The following PRKAB2 variants were observed in gnomAD, a reference collection of about 807,000 sequenced individuals.
PRKAB2 encodes 5'-AMP-activated protein kinase subunit beta-2.
PRKAB2 carries 18 observed loss-of-function variants against 29.8 expected under a neutral mutation model. That is an observed-to-expected ratio of 0.60 (90% CI 0.42 to 0.89). PRKAB2 has a LOEUF of 0.89. Among genes scored for constraint, PRKAB2 ranks in the 40% least tolerant of loss-of-function variants. PRKAB2 has a pLI of 0.00. For synonymous variants in PRKAB2, 136 were observed against 125.9 expected (o/e 1.08, Z -0.54); for missense variants, 270 against 344.3 (o/e 0.78, Z 1.71).
At chr1:147,162,233 T>A (rs2101618869) in intron 6 of PRKAB2, among the ~76,000 whole-genome samples, 1 of 152,306 alleles carries the variant, frequency 6.6e-6, no homozygotes, top group South Asian at 2.1e-4. Context: ...TTTATTAGGA[T>A]GAGGAGACAA....
chr1:147,164,695 G>A (rs1182063340), intron 5 of PRKAB2, among the ~76,000 whole-genome samples: 3 of 152,182 alleles, frequency 2.0e-5, no homozygotes, highest in Admixed American at 6.5e-5. Flanking sequence ...TTACATACAT[G>A]GATAGACAGT....
chr1:147,158,544 A>C lies in PRKAB2; in HGVS notation c.*1021T>G, dbSNP rs879958599. ...CTGAAATTCTCCAATGCGGTCTCTT[A>C]AGACCAATGAAAAGGCATTTTTTAA... On this transcript the variant is annotated 3_prime_UTR_variant, in exon 8 of 8. Coordinates refer to ENST00000254101, the MANE Select transcript of PRKAB2 (RefSeq NM_005399.5). 1.3e-5 allele frequency: 2 copies of C among 152,078 alleles called. 1 individual carries two copies. Among genetic ancestry groups the C allele is most frequent in the East Asian group, 3.9e-4 (2 of 5,184 alleles). 9.4% of individuals were successfully genotyped at this position (152,078 alleles called of 1,614,324 possible).
At chr1:147,168,048 C>A (rs1654339195) in intron 2 of PRKAB2, 115 bp from the exon 3 acceptor site, 2 of 1,075,076 alleles carry the variant, frequency 1.9e-6, no homozygotes, top group Non-Finnish European at 2.6e-6. Flanking sequence ...GATATAAACC[C>A]CAAAATTAGC....
Position 147,157,608 on chromosome 1 carries a change from A to G in PRKAB2, c.*1957T>C, listed in dbSNP as rs1378493846. 6.6e-6 allele frequency: 1 copy of G among 152,150 alleles called. No individual in the cohort carries two copies. Among genetic ancestry groups the G allele is most frequent in the African/African-American group, 2.4e-5 (1 of 41,428 alleles). 9.4% of individuals were successfully genotyped at this position (152,150 alleles called of 1,614,324 possible). Reference sequence around the variant, plus strand: ...ATACTGTTGACAAGAAATATAACAAACTTCATGTAATAACCAAGATTTTGA... The same window carrying G: ...ATACTGTTGACAAGAAATATAACAAGCTTCATGTAATAACCAAGATTTTGA... On this transcript the variant is annotated 3_prime_UTR_variant, in exon 8 of 8. Transcript: ENST00000254101.
intron 4 of PRKAB2, 55 bp from the exon 5 acceptor site, chr1:147,166,673 C>A: frequency 6.3e-7 from 1 of 1,596,842 alleles, no homozygotes; most frequent in Non-Finnish European, 8.5e-7. Context: ...CCATCTCTTC[C>A]ATCCAACCTT....
chr1:147,169,409 T>C (rs1425714549), intron 2 of PRKAB2, among the ~76,000 whole-genome samples: 1 of 152,216 alleles, frequency 6.6e-6, no homozygotes, highest in African/African-American at 2.4e-5. Context: ...CTTGACTAAC[T>C]GGCTGCGTTA....
Position 147,157,295 on chromosome 1 carries a change from C to A in PRKAB2, c.*2270G>T, listed in dbSNP as rs1456972691. 6.6e-6 allele frequency: 1 copy of A among 152,122 alleles called. No homozygotes were observed. 9.4% of individuals were successfully genotyped at this position (152,122 alleles called of 1,614,324 possible). On this transcript the variant is annotated 3_prime_UTR_variant, in exon 8 of 8. Coordinates refer to ENST00000254101, the MANE Select transcript of PRKAB2 (RefSeq NM_005399.5). ...AGGGACAGTGCTGAATGAGTCAGCA[C>A]CCAGTGCCTCCTACCCATTCCCTTC...
intron 2 of PRKAB2, among the ~76,000 whole-genome samples, chr1:147,171,168 T>C (rs745512386): frequency 7.9e-5 from 12 of 152,244 alleles, no homozygotes; most frequent in Non-Finnish European, 1.5e-4. Context: ...CCATCTGTCC[T>C]TTCTTACAGA....
chr1:147,168,017 G>C, intron 2 of PRKAB2, 84 bp from the exon 3 acceptor site: 2 of 1,434,846 alleles, frequency 1.4e-6, no homozygotes, highest in South Asian at 2.8e-5. Flanking sequence ...GGATAGAGAA[G>C]GGTGCTAGGC....
At chr1:147,162,393 T>C (rs781784188) in intron 6 of PRKAB2, 47 bp downstream of exon 6, 2 of 1,549,496 alleles carry the variant, frequency 1.3e-6, no homozygotes, top group African/African-American at 2.8e-5. Context: ...TTGGTCCAAA[T>C]GGTCCTAGAC....
chr1:147,172,199 A>T, intron 1 of PRKAB2, 32 bp from the exon 2 acceptor site: 1 of 1,479,496 alleles, frequency 6.8e-7, no homozygotes, highest in Non-Finnish European at 8.9e-7. Context: ...GGCTGGGAAC[A>T]CCTCAGCCGC....
chr1:147,159,783 C>A, intron 7 of PRKAB2, 141 bp from the exon 8 acceptor site: 1 of 704,062 alleles, frequency 1.4e-6, no homozygotes, highest in Non-Finnish European at 2.4e-6. Flanking sequence ...AGTTTTAGTT[C>A]CAATTCTGAC....
At chr1:147,170,165 G>C (rs1438031325) in intron 2 of PRKAB2, among the ~76,000 whole-genome samples, 1 of 152,142 alleles carries the variant, frequency 6.6e-6, no homozygotes, top group African/African-American at 2.4e-5. Flanking sequence ...GAGTTTAGAA[G>C]TAAAGAGGCT....
chr1:147,166,383 T>C, intron 5 of PRKAB2, 115 bp downstream of exon 5: 1 of 1,156,312 alleles, frequency 8.6e-7, no homozygotes, highest in Non-Finnish European at 1.2e-6. Context: ...CTCTCTCTCC[T>C]CCCCCCAACC....
At chr1:147,169,434 T>C (rs988015395) in intron 2 of PRKAB2, among the ~76,000 whole-genome samples, 1 of 152,228 alleles carries the variant, frequency 6.6e-6, no homozygotes, top group East Asian at 1.9e-4. Flanking sequence ...TACAAGAATT[T>C]GACATATGCC....
chr1:147,164,980 C>A (rs1654163892), intron 5 of PRKAB2, among the ~76,000 whole-genome samples: 1 of 152,122 alleles, frequency 6.6e-6, no homozygotes, highest in South Asian at 2.1e-4. Context: ...CCCAATTTAA[C>A]CTTCTGAGCT....
intron 1 of PRKAB2, 80 bp downstream of exon 1, chr1:147,172,349 G>T (rs1654703604): frequency 2.9e-6 from 2 of 689,126 alleles, no homozygotes; most frequent in Non-Finnish European, 4.6e-6. Flanking sequence ...GCCCTCACTG[G>T]CCCTAGCTCA....
intron 5 of PRKAB2, among the ~76,000 whole-genome samples, chr1:147,163,564 CATT>C (rs149313020): frequency 0.023 from 3,469 of 152,196 alleles, 58 homozygotes; most frequent in Admixed American, 0.041. Context: ...ACCCTGAAAA[CATT>C]ATGCTAAGTG....
rs782522047 is a variant in PRKAB2 at position 147,166,601 on chromosome 1, C to A, written c.435G>T (p.Gln145His). 6.2e-7 allele frequency: 1 copy of A among 1,613,906 alleles called. No homozygotes were observed. Among genetic ancestry groups the A allele is most frequent in the African/African-American group, 1.3e-5 (1 of 74,924 alleles). Residue 145 changes from glutamine (Q) to histidine (H), a missense_variant, in exon 5 of 8, where the codon CAG (glutamine) becomes CAT (histidine). Gln to His is a conservative substitution (Grantham distance 24). Transcript: ENST00000254101. ...GGATCAAATTGTTAATTGTGCCAAG[C>A]TGACTGGTAACCACAGGCTGAAACA... is the stretch of plus-strand genomic sequence containing the variant. ...HDPSEPVVTS[Q>H]LGTINNLIHV...
Sources: gnomAD v4.1 joint callset for allele counts (sites outside exome capture counted in the v4.1 genomes callset) on GRCh38, gnomAD v4.1.1 for gene constraint, MANE v1.5 for transcripts, NCBI Gene and HGNC (gene_info 2026-07-23, HGNC 2026-07-21) for gene names.